The following SLC44A5 variants were observed in gnomAD, a reference collection of about 807,000 sequenced individuals.
SLC44A5 encodes solute carrier family 44 member 5.
Under a neutral mutation model 101.8 loss-of-function variants are expected in SLC44A5, and 57 were observed. The ratio of observed to expected loss-of-function variants is 0.56; its 90% CI spans 0.45 to 0.70. The LOEUF is 0.70. Among genes scored for constraint, SLC44A5 ranks in the 30% least tolerant of loss-of-function variants. SLC44A5 has a pLI of 0.00. For synonymous variants in SLC44A5, 281 were observed against 290.9 expected, an observed-to-expected ratio of 0.97 and a Z score of 0.35; for missense variants, 737 against 853.1, an observed-to-expected ratio of 0.86 and a Z score of 1.70.
intron 2 of SLC44A5, among the ~76,000 whole-genome samples, chr1:75,480,421 G>A (rs938009660): frequency 1.3e-5 from 2 of 152,132 alleles, no homozygotes; most frequent in African/African-American, 4.8e-5. Context: ...GGCAGGAGAA[G>A]GAAATAAAGG....
At chr1:75,223,102 A>G (rs1471145292) in intron 13 of SLC44A5, among the ~76,000 whole-genome samples, 1 of 152,246 alleles carries the variant, frequency 6.6e-6, no homozygotes, top group Non-Finnish European at 1.5e-5. Flanking sequence ...CGTCAAAACC[A>G]TCTTTATGTG....
intron 2 of SLC44A5, among the ~76,000 whole-genome samples, chr1:75,536,703 T>G (rs1173365792): frequency 6.7e-6 from 1 of 149,788 alleles, no homozygotes; most frequent in Non-Finnish European, 1.5e-5. Context: ...CATTTTCTTT[T>G]TACTAGCAAA....
At chr1:75,661,940 G>T in the SLC44A5 span, among the ~76,000 whole-genome samples, 90 of 151,964 alleles carry the variant, frequency 5.9e-4, no homozygotes, top group African/African-American at 2.1e-3. Flanking sequence ...CAGTATGGAG[G>T]TTCCTCAAAG....
intron 1 of SLC44A5, among the ~76,000 whole-genome samples, chr1:75,608,205 A>AT (rs1675438895): frequency 6.6e-6 from 1 of 151,928 alleles, no homozygotes. Flanking sequence ...CAAAAAACAA[A>AT]AAAAAACAAA....
chr1:75,506,907 C>CTTTTTTTTTTT (rs61554987), intron 2 of SLC44A5, among the ~76,000 whole-genome samples: 17 of 68,768 alleles, frequency 2.5e-4, no homozygotes, highest in East Asian at 4.6e-4. Flanking sequence ...TATTCCTATT[C>CTTTTTTTTTTT]TTTTTTTTTT....
At chr1:75,524,296 C>T (rs1285357418) in intron 2 of SLC44A5, among the ~76,000 whole-genome samples, 6 of 152,160 alleles carry the variant, frequency 3.9e-5, no homozygotes, top group South Asian at 4.1e-4. Flanking sequence ...CCTCCCCAGA[C>T]GTGTCTCCTG....
At chr1:75,551,072 G>GATT (rs1410280420) in intron 1 of SLC44A5, among the ~76,000 whole-genome samples, 4 of 152,098 alleles carry the variant, frequency 2.6e-5, no homozygotes, top group Non-Finnish European at 4.4e-5. Flanking sequence ...CACTATTAGA[G>GATT]ATTATTATTG....
At chr1:75,627,522 A>T in the SLC44A5 span, among the ~76,000 whole-genome samples, 14 of 151,424 alleles carry the variant, frequency 9.2e-5, no homozygotes, top group Non-Finnish European at 1.6e-4. Context: ...GTACAAAAAA[A>T]TTTTTTTTTA....
chr1:75,697,312 C>A, the SLC44A5 span, among the ~76,000 whole-genome samples: 1 of 152,034 alleles, frequency 6.6e-6, no homozygotes, highest in East Asian at 1.9e-4. Flanking sequence ...TGACAAAGGC[C>A]ATGCTAGACA....
intron 1 of SLC44A5, among the ~76,000 whole-genome samples, chr1:75,592,251 T>A (rs1371845650): frequency 2.6e-5 from 4 of 151,654 alleles, no homozygotes; most frequent in Non-Finnish European, 5.9e-5. Flanking sequence ...CAAAAAAAAA[T>A]TTAAAAAGTA....
the SLC44A5 span, among the ~76,000 whole-genome samples, chr1:75,648,806 A>ATATGT: frequency 2.2e-5 from 1 of 44,926 alleles, no homozygotes; most frequent in Non-Finnish European, 4.0e-5. Flanking sequence ...CTAAAACTTA[A>ATATGT]CATTATGAGC....
intron 3 of SLC44A5, among the ~76,000 whole-genome samples, chr1:75,356,832 A>T (rs1659118410): frequency 6.6e-6 from 1 of 152,328 alleles, no homozygotes; most frequent in Non-Finnish European, 1.5e-5. Context: ...TTAGGTACAG[A>T]AATACTTGCC....
chr1:75,599,796 T>TA (rs1674865666), intron 1 of SLC44A5, among the ~76,000 whole-genome samples: 1 of 152,098 alleles, frequency 6.6e-6, no homozygotes, highest in Non-Finnish European at 1.5e-5. Flanking sequence ...TTTAGTGTGG[T>TA]CGGATCATTA....
Position 75,243,286 on chromosome 1 carries a change from A to C in SLC44A5, c.346-275T>G, listed in dbSNP as rs141571166. ...TGAGTAGCTGAGACTACAGGCAAAC[A>C]CCACCATGCCCAGCTAATTTTTGTA... On this transcript the variant is annotated intron_variant, in intron 7 of 23. Coordinates refer to ENST00000370859, the MANE Select transcript of SLC44A5 (RefSeq NM_001130058.2). Among the ~76,000 whole-genome samples the C allele has an allele frequency of 9.0e-3, 1,368 of 151,910 alleles. 32 individuals carry two copies. Among genetic ancestry groups the C allele is most frequent in the African/African-American group, 0.031 (1,298 of 41,434 alleles).
intron 1 of SLC44A5, 27 bp from the exon 2 acceptor site, chr1:75,541,543 GT>G: frequency 6.6e-7 from 1 of 1,509,074 alleles, no homozygotes; most frequent in Non-Finnish European, 9.1e-7. Context: ...TATGAAGATA[GT>G]TACCTAAAGC....
intron 5 of SLC44A5, among the ~76,000 whole-genome samples, chr1:75,292,295 A>G (rs2100828447): frequency 6.6e-6 from 1 of 152,248 alleles, no homozygotes; most frequent in East Asian, 1.9e-4. Flanking sequence ...CTTGCTTTAT[A>G]TGAAGCAGCT....
the SLC44A5 span, among the ~76,000 whole-genome samples, chr1:75,662,342 G>A: frequency 2.0e-5 from 3 of 152,034 alleles, no homozygotes; most frequent in African/African-American, 7.2e-5. Flanking sequence ...GTTACCAAAG[G>A]CTGAAAAGGA....
At chr1:75,701,653 C>A in the SLC44A5 span, among the ~76,000 whole-genome samples, 1 of 152,196 alleles carries the variant, frequency 6.6e-6, no homozygotes, top group Non-Finnish European at 1.5e-5. Context: ...GAAGTTCTGG[C>A]CAGGGCAATC....
chr1:75,236,994 T>G lies in SLC44A5; in HGVS notation c.733A>C (p.Ile245Leu). The G allele has an allele frequency of 6.3e-7, 1 of 1,585,950 alleles. No homozygotes were observed. The highest frequency in any genetic ancestry group is 8.6e-7 in the Non-Finnish European group (1 of 1,157,760). The stretch of plus-strand genomic sequence containing the variant: ...CTATGTGTTTTCACTTACATGAGAA[T>G]CCAATACCAAGTTCTTGCATAGTCT... ...FEDYARTWYW[I>L]LIGLTIAMVL... The change falls in exon 11 of 24, where the codon ATT becomes CTT. Residue 245 changes from isoleucine to leucine, a missense_variant. Transcript: ENST00000370859.
Sources: gnomAD v4.1 joint callset for allele counts (sites outside exome capture counted in the v4.1 genomes callset) on GRCh38, gnomAD v4.1.1 for gene constraint, MANE v1.5 for transcripts, NCBI Gene and HGNC (gene_info 2026-07-23, HGNC 2026-07-21) for gene names.